Variants in TTR observed in about 807,000 individuals in gnomAD.
The protein encoded by TTR is transthyretin.
A neutral mutation model predicts 13.7 loss-of-function variants in TTR; 8 were observed. That is an observed-to-expected ratio of 0.58 (90% CI 0.34 to 1.05). The LOEUF (loss-of-function observed/expected upper bound fraction) is 1.05. Ranked by LOEUF, TTR falls within the 50% of genes least tolerant of loss-of-function variation. TTR has a pLI of 0.02. For synonymous variants in TTR, 75 were observed against 71.7 expected (o/e 1.05, Z -0.23); for missense variants, 135 against 185.5 (o/e 0.73, Z 1.58).
intron 1 of TTR, among the ~76,000 whole-genome samples, chr18:31,592,200 T>C (rs1055830616): frequency 1.3e-5 from 2 of 152,190 alleles, no homozygotes; most frequent in Non-Finnish European, 2.9e-5. Context: ...TGCATTAGGT[T>C]TGTAATATCT....
At chr18:31,594,737 G>A (rs1201848049) in intron 2 of TTR, among the ~76,000 whole-genome samples, 18 of 152,032 alleles carry the variant, frequency 1.2e-4, no homozygotes, top group African/African-American at 4.1e-4. Flanking sequence ...GGTGGCAGGC[G>A]CCTGTAATCC....
In TTR at chr18:31,595,104, C is replaced by T. The variant is rs941725460; in HGVS notation, c.201-16C>T. The T allele has an allele frequency of 1.2e-6, 2 of 1,613,892 alleles. No individual in the cohort carries two copies. The highest frequency in any genetic ancestry group is 1.3e-5 in the African/African-American group (1 of 74,922). ...TCCTCCATGCGTAACTTAATCCAGA[C>T]TTTCACACCTTATAGGAAAACCAGT... On this transcript the variant is annotated splice_polypyrimidine_tract_variant and intron_variant, in intron 2 of 3. Coordinates refer to ENST00000237014, the MANE Select transcript of TTR (RefSeq NM_000371.4).
rs141830045 is a variant in TTR, at chr18:31,598,235, T to A, written c.337-333T>A. The stretch of plus-strand genomic sequence containing the variant: ...TTCAATGACTCAATGCAGTTTTGCA[T>A]TCTCCCTACCTTTTTTTTCTAAAAC... On this transcript the variant is annotated intron_variant, in intron 3 of 3. Transcript: ENST00000237014. 558 of 394,810 alleles carry A rather than the reference T, an allele frequency of 1.4e-3. 4 individuals carry two copies. The highest frequency in any genetic ancestry group is 0.011 in the African/African-American group (513 of 48,604). The allele number at this position is 394,810 out of a possible 1,614,324, so 24.5% of individuals were successfully genotyped here.
chr18:31,597,025 G>A (rs1197304307), intron 3 of TTR: 1 of 152,066 alleles, frequency 6.6e-6, no homozygotes, highest in Non-Finnish European at 1.5e-5. Flanking sequence ...GAGCTCTTAG[G>A]CCTCTTCACT....
chr18:31,597,451 A>T (rs912999475), intron 3 of TTR, among the ~76,000 whole-genome samples: 16 of 152,190 alleles, frequency 1.1e-4, no homozygotes, highest in African/African-American at 3.6e-4. Flanking sequence ...TTATTAGTTG[A>T]TTCTAGGGAA....
intron 3 of TTR, chr18:31,596,229 G>A (rs937919824): frequency 1.3e-5 from 2 of 154,334 alleles, no homozygotes; most frequent in East Asian, 1.9e-4. Context: ...AAATAGCTCG[G>A]CATGAAAGGG....
chr18:31,598,429 C>G (rs2073527189), intron 3 of TTR, 139 bp from the exon 4 acceptor site: 5 of 870,478 alleles, frequency 5.7e-6, no homozygotes, highest in Non-Finnish European at 9.3e-6. Flanking sequence ...GAGCTTTTTC[C>G]TTCTGTTCAA....
Position 31,598,683 on chromosome 18 carries a change from C to A in TTR, c.*8C>A. ...ACCAATCCCAAGGAATGAGGGACTT[C>A]TCCTCCAGTGGACCTGAAGGACGAG... is the stretch of plus-strand genomic sequence containing the variant. On this transcript the variant is annotated 3_prime_UTR_variant, in exon 4 of 4. Transcript: ENST00000237014. 1 of 1,611,582 alleles carries A rather than the reference C, an allele frequency of 6.2e-7. No homozygotes were observed. The highest frequency in any genetic ancestry group is 8.5e-7 in the Non-Finnish European group (1 of 1,179,640).
chr18:31,594,815 G>T (rs2073507836), intron 2 of TTR, among the ~76,000 whole-genome samples: 1 of 151,982 alleles, frequency 6.6e-6, no homozygotes, highest in South Asian at 2.1e-4. Context: ...AGTGAGCTGA[G>T]ATCGTGCCAT....
chr18:31,595,050 G>A (rs1262649681), intron 2 of TTR, 70 bp from the exon 3 acceptor site: 1 of 1,526,052 alleles, frequency 6.6e-7, no homozygotes, highest in Non-Finnish European at 9.1e-7. Flanking sequence ...TAGTTGGTGG[G>A]GGTGTATTAC....
At chr18:31,597,875 C>T (rs778044037) in intron 3 of TTR, among the ~76,000 whole-genome samples, 3 of 152,190 alleles carry the variant, frequency 2.0e-5, no homozygotes, top group Non-Finnish European at 4.4e-5. Context: ...AGCTCTAGTG[C>T]ATGCATATAT....
rs772036998 is a variant in TTR, at chr18:31,592,977, CAT to C, written c.152_153del (p.His51ArgfsTer7). 1 of 1,614,108 alleles carries C rather than the reference CAT, an allele frequency of 6.2e-7. No individual in the cohort carries two copies. Among genetic ancestry groups the C allele is most frequent in the Non-Finnish European group, 8.5e-7 (1 of 1,179,980 alleles). ...CAGTCCTGCCATCAATGTGGCCGTG[CAT>C]GTGTTCAGAAAGGCTGCTGATGACA... ...RGSPAINVAV[H>X]VFRKAADDTW... On this transcript the variant is annotated frameshift_variant, in exon 2 of 4. Transcript: ENST00000237014. LOFTEE classifies it high-confidence loss of function.
chr18:31,598,737 T>G lies in TTR; in HGVS notation c.*62T>G. Reference sequence around the variant, plus strand: ...TGGGATTTCATGTAACCAAGAGTATTCCATTTTTACTAAAGCAGTGTTTTC... The same window carrying G: ...TGGGATTTCATGTAACCAAGAGTATGCCATTTTTACTAAAGCAGTGTTTTC... On this transcript the variant is annotated 3_prime_UTR_variant, in exon 4 of 4. Coordinates refer to ENST00000237014, the MANE Select transcript of TTR (RefSeq NM_000371.4). 1 of 1,555,650 alleles carries G rather than the reference T, an allele frequency of 6.4e-7. No individual in the cohort carries two copies. The highest frequency in any genetic ancestry group is 8.9e-7 in the Non-Finnish European group (1 of 1,129,790).
chr18:31,596,455 G>A (rs543292949), intron 3 of TTR, among the ~76,000 whole-genome samples: 23 of 152,182 alleles, frequency 1.5e-4, no homozygotes, highest in African/African-American at 5.1e-4. Flanking sequence ...GGGTTTCGGC[G>A]GCGCCCAGCA....
chr18:31,598,392 C>T, intron 3 of TTR, 176 bp from the exon 4 acceptor site: 1 of 733,712 alleles, frequency 1.4e-6, no homozygotes, highest in Non-Finnish European at 2.4e-6. Context: ...GTGCATGGTT[C>T]CAAAGGCTTA....
chr18:31,596,972 G>C (rs2073520085), intron 3 of TTR, among the ~76,000 whole-genome samples: 1 of 152,158 alleles, frequency 6.6e-6, no homozygotes, highest in African/African-American at 2.4e-5. Context: ...TGACCCAGGT[G>C]GTCATAGTAG....
chr18:31,596,687 A>G (rs2073518363), intron 3 of TTR, among the ~76,000 whole-genome samples: 2 of 148,016 alleles, frequency 1.4e-5, no homozygotes, highest in African/African-American at 5.0e-5. Context: ...AAAAAAAAAA[A>G]GCATTCTATG....
intron 2 of TTR, among the ~76,000 whole-genome samples, chr18:31,593,969 A>C (rs1012296345): frequency 6.6e-6 from 1 of 152,218 alleles, no homozygotes; most frequent in African/African-American, 2.4e-5. Flanking sequence ...CATTATTGGG[A>C]AGATCATTTT....
In TTR at chr18:31,591,939, G is replaced by A. The variant is rs767889884; in HGVS notation, c.37G>A (p.Gly13Arg). 2.5e-6 allele frequency: 4 copies of A among 1,614,132 alleles called. No homozygotes were observed. Among genetic ancestry groups the A allele is most frequent in the Non-Finnish European group, 3.4e-6 (4 of 1,180,038 alleles). The change falls in exon 1 of 4, where the codon GGA (glycine) becomes AGA (arginine). Residue 13 changes from glycine to arginine, a missense_variant. Physicochemically the swap from Gly to Arg is moderately radical, Grantham distance 125. Coordinates refer to ENST00000237014, the MANE Select transcript of TTR (RefSeq NM_000371.4). ...TCGTCTGCTCCTCCTCTGCCTTGCT[G>A]GACTGGTATTTGTGTCTGAGGCTGG... ...SHRLLLLCLA[G>R]LVFVSEAGPT...
Sources: gnomAD v4.1 joint callset for allele counts (sites outside exome capture counted in the v4.1 genomes callset) on GRCh38, gnomAD v4.1.1 for gene constraint, MANE v1.5 for transcripts, NCBI Gene and HGNC (gene_info 2026-07-23, HGNC 2026-07-21) for gene names.